The following CCDC150 variants were observed in gnomAD, a reference collection of about 807,000 sequenced individuals.
The protein encoded by CCDC150 is coiled-coil domain-containing protein 150.
In CCDC150, 151 loss-of-function variants were observed where a neutral mutation model predicts 156.5. The ratio of observed to expected loss-of-function variants is 0.97; its 90% confidence interval spans 0.85 to 1.10. The LOEUF (loss-of-function observed/expected upper bound fraction) is 1.10. Ranked by LOEUF, CCDC150 falls within the 50% of genes least tolerant of loss-of-function variation. The pLI is 0.00. For missense variants in CCDC150, 1,312 were observed against 1,268.1 expected (o/e 1.03, Z -0.53); for synonymous variants, 452 against 429.4 (o/e 1.05, Z -0.65).
intron 5 of CCDC150, among the ~76,000 whole-genome samples, chr2:196,662,697 A>G (rs920118733): frequency 1.3e-5 from 2 of 152,122 alleles, no homozygotes; most frequent in Non-Finnish European, 2.9e-5. Flanking sequence ...ACAAATAGGC[A>G]AAGTGTTAAT....
intron 17 of CCDC150, 182 bp from the exon 18 acceptor site, chr2:196,718,321 T>C (rs2125702011): frequency 2.4e-6 from 1 of 408,756 alleles, no homozygotes; most frequent in Non-Finnish European, 4.3e-6. Context: ...TTGTCTATGT[T>C]TATTCACACA....
At position 196,695,119 on chromosome 2, in the gene CCDC150, C is replaced by A; in HGVS notation, c.1583C>A (p.Ala528Asp). ...AATAAGCACCTGGCAGATCAAATGG[C>A]TTCCCTAGAACTTCAGCAAGTCACT... is the stretch of plus-strand genomic sequence containing the variant. ...EENKHLADQM[A>D]SLELQQVTSD... The change falls in exon 14 of 28, where the codon GCT becomes GAT. Residue 528 changes from alanine (A) to aspartate (D), a missense_variant. Ala to Asp is a moderately radical substitution (Grantham distance 126). Coordinates refer to ENST00000389175, the MANE Select transcript of CCDC150 (RefSeq NM_001080539.2). 6.2e-7 allele frequency: 1 copy of A among 1,612,222 alleles called. No homozygotes were observed. Among genetic ancestry groups the A allele is most frequent in the Non-Finnish European group, 8.5e-7 (1 of 1,178,432 alleles).
At chr2:196,644,962 A>AG (rs1391684294) in intron 1 of CCDC150, among the ~76,000 whole-genome samples, 1 of 148,666 alleles carries the variant, frequency 6.7e-6, no homozygotes, top group Non-Finnish European at 1.5e-5. Context: ...TAAAAATACA[A>AG]AAAAAAAAAA....
chr2:196,656,053 G>T (rs896621385), intron 2 of CCDC150, among the ~76,000 whole-genome samples: 1 of 152,086 alleles, frequency 6.6e-6, no homozygotes, highest in African/African-American at 2.4e-5. Flanking sequence ...TGAGTTGTAG[G>T]CCCTTCTCTA....
At position 196,725,999 on chromosome 2, in the gene CCDC150, T is replaced by A. The variant is rs1471939981; in HGVS notation, c.2456T>A (p.Val819Glu). 6.2e-7 allele frequency: 1 copy of A among 1,602,622 alleles called. No homozygotes were observed. Among genetic ancestry groups the A allele is most frequent in the African/African-American group, 1.3e-5 (1 of 74,768 alleles). The part of the protein sequence containing the change: ...FKDRMTEESK[V>E]EAELHAERIE... ...GACCGGATGACTGAAGAGTCCAAAGTGGAAGCAGAATTGCATGCTGAACGC... is the reference window on the plus strand; with the variant it reads ...GACCGGATGACTGAAGAGTCCAAAGAGGAAGCAGAATTGCATGCTGAACGC... The change falls in exon 22 of 28, where the codon GTG (valine) becomes GAG (glutamate). Residue 819 changes from valine to glutamate, a missense_variant. Transcript: ENST00000389175.
At chr2:196,657,466 G>A in intron 4 of CCDC150, 7 of 220,458 alleles carry the variant, frequency 3.2e-5, no homozygotes, top group East Asian at 1.1e-4. Flanking sequence ...AATTAAATAA[G>A]GAAAAAATAA....
chr2:196,688,588 G>T (rs949340500), intron 13 of CCDC150, among the ~76,000 whole-genome samples: 3 of 152,078 alleles, frequency 2.0e-5, no homozygotes, highest in African/African-American at 7.2e-5. Flanking sequence ...TTTTGATGGG[G>T]TTGTTTGTTT....
At chr2:196,665,405 G>A (rs561244960) in intron 5 of CCDC150, among the ~76,000 whole-genome samples, 162 bp from the exon 6 acceptor site, 1 of 152,242 alleles carries the variant, frequency 6.6e-6, no homozygotes, top group East Asian at 1.9e-4. Context: ...GGTAATCCTA[G>A]GCAATCTAGG....
chr2:196,727,842 C>A (rs1398158977), intron 22 of CCDC150: 1 of 151,724 alleles, frequency 6.6e-6, no homozygotes, highest in African/African-American at 2.4e-5. Context: ...GAAACCCTGT[C>A]TCTACTAAAA....
intron 14 of CCDC150, among the ~76,000 whole-genome samples, chr2:196,700,825 C>T (rs551086387): frequency 2.0e-4 from 30 of 152,256 alleles, no homozygotes; most frequent in Admixed American, 7.2e-4. Context: ...TGCTGGATCA[C>T]AACTACAAAG....
At position 196,701,157 on chromosome 2, in the gene CCDC150, G is replaced by A. The variant is rs186424479; in HGVS notation, c.1672G>A (p.Ala558Thr). ...AATCACTGAAAGTAAAAATAAACTG[G>A]CCTATGAAAACGGAAAACTCCAGGT... is the stretch of plus-strand genomic sequence containing the variant. ...EKITESKNKL[A>T]YENGKLQIKV... The change falls in exon 15 of 28, where the codon GCC becomes ACC. Residue 558 changes from alanine to threonine, a missense_variant. Ala to Thr is a moderately conservative substitution (Grantham distance 58). Coordinates refer to ENST00000389175, the MANE Select transcript of CCDC150 (RefSeq NM_001080539.2). 6.5e-4 allele frequency: 1,037 copies of A among 1,606,846 alleles called. 3 individuals carry two copies. Among genetic ancestry groups the A allele is most frequent in the South Asian group, 1.6e-3 (145 of 88,984 alleles).
chr2:196,687,163 T>G (rs1043956314), intron 13 of CCDC150, among the ~76,000 whole-genome samples: 5 of 152,216 alleles, frequency 3.3e-5, no homozygotes, highest in Non-Finnish European at 5.9e-5. Flanking sequence ...TATTTCTGTC[T>G]TCAGGAATTT....
chr2:196,651,967 A>G (rs923347626), intron 2 of CCDC150, among the ~76,000 whole-genome samples: 13 of 152,146 alleles, frequency 8.5e-5, no homozygotes, highest in Non-Finnish European at 1.6e-4. Flanking sequence ...AGGAGGTACC[A>G]GGCCCCTTTA....
At chr2:196,658,711 C>A in intron 4 of CCDC150, 81 bp from the exon 5 acceptor site, 1 of 990,536 alleles carries the variant, frequency 1.0e-6, no homozygotes, top group South Asian at 1.6e-5. Flanking sequence ...AGAAAAAAAC[C>A]TGATTTGATC....
rs762203687 is a variant in CCDC150, at chr2:196,665,688, AAAG to A, written c.762+7_762+9del. 38 of 1,530,400 alleles carry A rather than the reference AAAG, an allele frequency of 2.5e-5. No individual in the cohort carries two copies. In the South Asian group the frequency reaches 4.4e-4, roughly 18 times the overall value. The allele number at this position is 1,530,400 out of a possible 1,614,324, so 94.8% of individuals were successfully genotyped here. ...GTGGAGGTAGAACGAAAACAGGTAG[AAAG>A]ATTTCTTCTCCTTATGTGGTTTGGG... On this transcript the variant is annotated splice_donor_region_variant and intron_variant, in intron 6 of 27. Coordinates refer to ENST00000389175, the MANE Select transcript of CCDC150 (RefSeq NM_001080539.2).
chr2:196,685,505 T>C (rs1374725168), intron 13 of CCDC150, among the ~76,000 whole-genome samples: 1 of 152,212 alleles, frequency 6.6e-6, no homozygotes. Context: ...AGCTCTTGTA[T>C]GAATTATTTC....
At chr2:196,715,551 T>G (rs1226831338) in intron 17 of CCDC150, among the ~76,000 whole-genome samples, 1 of 152,196 alleles carries the variant, frequency 6.6e-6, no homozygotes, top group Non-Finnish European at 1.5e-5. Flanking sequence ...ATAATGTGAA[T>G]GTACTACCCA....
At chr2:196,711,543 G>T (rs1422091759) in intron 15 of CCDC150, among the ~76,000 whole-genome samples, 1 of 152,176 alleles carries the variant, frequency 6.6e-6, no homozygotes, top group Non-Finnish European at 1.5e-5. Context: ...AGATTTATAA[G>T]TATATATTAA....
chr2:196,667,819 T>C (rs1047711552), intron 7 of CCDC150: 4 of 152,188 alleles, frequency 2.6e-5, no homozygotes, highest in African/African-American at 9.7e-5. Context: ...CAGAAAGTAT[T>C]CCCTTTTCTT....
Sources: allele counts gnomAD v4.1 joint callset (sites outside exome capture counted in the v4.1 genomes callset), GRCh38; gene constraint gnomAD v4.1.1; transcripts MANE v1.5; gene names NCBI Gene and HGNC (gene_info 2026-07-23, HGNC 2026-07-21).